Variants in KCND3 observed in about 807,000 individuals in gnomAD.
KCND3 encodes A-type voltage-gated potassium channel KCND3.
A neutral mutation model predicts 51.1 loss-of-function variants in KCND3; 9 were observed. That is an observed-to-expected ratio of 0.18 (90% confidence interval 0.11 to 0.31). The LOEUF (loss-of-function observed/expected upper bound fraction) is 0.31. Ranked by LOEUF, KCND3 falls within the 10% of genes least tolerant of loss-of-function variation. KCND3 has a pLI of 1.00. For synonymous variants in KCND3, 349 were observed against 368.0 expected, an observed-to-expected ratio of 0.95 and a Z score of 0.59; for missense variants, 526 against 903.8, an observed-to-expected ratio of 0.58 and a Z score of 5.36.
chr1:111,813,825 T>G (rs1306923094), intron 2 of KCND3, among the ~76,000 whole-genome samples: 1 of 152,202 alleles, frequency 6.6e-6, no homozygotes, highest in East Asian at 1.9e-4. Flanking sequence ...ATTATATAGA[T>G]GAGGAAACTG....
chr1:111,847,582 T>C (rs1667613740), intron 2 of KCND3, among the ~76,000 whole-genome samples: 1 of 152,178 alleles, frequency 6.6e-6, no homozygotes, highest in Admixed American at 6.5e-5. Flanking sequence ...GTGATCTACG[T>C]GGGGCTGGGT....
rs1329605301 is a variant in KCND3 at position 111,780,631 on chromosome 1, G to A, written c.1371+59C>T. ...GTGAGAGTGCTGGTGTCCCGGGAAA[G>A]AGAAAACAAGCCCATCTACCCCTTT... On this transcript the variant is annotated intron_variant, in intron 4 of 7. Coordinates refer to ENST00000302127, the MANE Select transcript of KCND3 (RefSeq NM_001378969.1). The surrounding 1 kb of genome is among the most constrained non-coding windows in gnomAD (Gnocchi z 4.2). The A allele has an allele frequency of 7.1e-7, 1 of 1,405,366 alleles. No individual in the cohort carries two copies. The highest frequency in any genetic ancestry group is 2.4e-5 in the East Asian group (1 of 41,442). 87.1% of individuals were successfully genotyped at this position (1,405,366 alleles called of 1,614,324 possible). A position where few individuals can be genotyped will look rare whatever the true frequency, so the allele number is the denominator to read the frequency against.
chr1:111,874,838 G>A (rs1668982384), intron 2 of KCND3, among the ~76,000 whole-genome samples: 1 of 152,088 alleles, frequency 6.6e-6, no homozygotes, highest in Non-Finnish European at 1.5e-5. Flanking sequence ...TAGACCCCAG[G>A]GCCTTTCCTT....
chr1:111,954,576 T>C (rs373843127), intron 2 of KCND3, among the ~76,000 whole-genome samples: 1 of 152,186 alleles, frequency 6.6e-6, no homozygotes, highest in South Asian at 2.1e-4. Flanking sequence ...TACCAAAGAG[T>C]TGTGCTTGTT....
chr1:111,963,739 A>G (rs1227788657), intron 2 of KCND3, among the ~76,000 whole-genome samples: 3 of 152,188 alleles, frequency 2.0e-5, no homozygotes, highest in Non-Finnish European at 2.9e-5. Context: ...CTCAGGAGAG[A>G]CTTCCTGACA....
intron 2 of KCND3, among the ~76,000 whole-genome samples, chr1:111,964,333 G>A (rs753653973): frequency 1.3e-5 from 2 of 152,218 alleles, no homozygotes; most frequent in African/African-American, 4.8e-5. Context: ...AGCCCGGGAT[G>A]CTAAAGTACA....
intron 2 of KCND3, among the ~76,000 whole-genome samples, chr1:111,844,244 T>TC (rs969205875): frequency 3.1e-4 from 47 of 152,298 alleles, no homozygotes; most frequent in African/African-American, 1.1e-3. Flanking sequence ...GTTCATCATG[T>TC]CCCTGCAGAC....
At chr1:111,895,114 A>G (rs796238062) in intron 2 of KCND3, among the ~76,000 whole-genome samples, 1 of 136,518 alleles carries the variant, frequency 7.3e-6, no homozygotes, top group South Asian at 2.6e-4. Context: ...AGGGGAAGGA[A>G]GAGGAAGGGG....
chr1:111,850,554 G>C (rs1667766918), intron 2 of KCND3, among the ~76,000 whole-genome samples: 1 of 152,210 alleles, frequency 6.6e-6, no homozygotes, highest in Non-Finnish European at 1.5e-5. Context: ...AACATGTACA[G>C]ACCCTGGGTC....
At position 111,818,288 on chromosome 1, in the gene KCND3, G is replaced by C. The variant is rs368388536; in HGVS notation, c.1107-31182C>G. Among the ~76,000 whole-genome samples, 29 of 152,322 alleles carry C rather than the reference G, an allele frequency of 1.9e-4. 1 individual carries two copies. In the East Asian group the frequency reaches 3.7e-3, roughly 19 times the overall value. On this transcript the variant is annotated intron_variant, in intron 2 of 7. Coordinates refer to ENST00000302127, the MANE Select transcript of KCND3 (RefSeq NM_001378969.1). ...GGATCTGCCTGCGCCAGGGCCCGAG[G>C]CTTCCACCCCAGCAGGAGTTCTTGA...
At chr1:111,816,968 G>A (rs796817606) in intron 2 of KCND3, among the ~76,000 whole-genome samples, 1 of 152,116 alleles carries the variant, frequency 6.6e-6, no homozygotes, top group South Asian at 2.1e-4. Flanking sequence ...TACACACCTG[G>A]ATGTGCACAT....
At chr1:111,873,133 G>A (rs541388313) in intron 2 of KCND3, among the ~76,000 whole-genome samples, 3 of 152,326 alleles carry the variant, frequency 2.0e-5, no homozygotes, top group Non-Finnish European at 4.4e-5. Flanking sequence ...TGCTGATCCA[G>A]TCCTGGCCTG....
intron 2 of KCND3, among the ~76,000 whole-genome samples, chr1:111,832,176 C>T (rs532292285): frequency 3.2e-4 from 48 of 152,354 alleles, no homozygotes; most frequent in Non-Finnish European, 4.4e-4. Context: ...ATTGGGTCTA[C>T]ACCTTCCCAG....
At chr1:111,943,519 G>A (rs1420656400) in intron 2 of KCND3, among the ~76,000 whole-genome samples, 1 of 152,216 alleles carries the variant, frequency 6.6e-6, no homozygotes, top group Admixed American at 6.5e-5. Context: ...ACACAGTAAG[G>A]CAGAAGCAGA....
chr1:111,805,922 G>C (rs1474645649), intron 2 of KCND3, among the ~76,000 whole-genome samples: 1 of 152,242 alleles, frequency 6.6e-6, no homozygotes, highest in African/African-American at 2.4e-5. Context: ...TGGCAGGACG[G>C]GGACAGGAGG....
At chr1:111,966,074 C>A (rs149402195) in intron 2 of KCND3, among the ~76,000 whole-genome samples, 62 of 152,286 alleles carry the variant, frequency 4.1e-4, no homozygotes, top group Non-Finnish European at 4.4e-4. Context: ...CCTTCCTTGG[C>A]ACCACCCTGC....
intron 2 of KCND3, among the ~76,000 whole-genome samples, chr1:111,868,458 A>T (rs879709816): frequency 2.6e-5 from 4 of 152,182 alleles, no homozygotes; most frequent in Non-Finnish European, 4.4e-5. Context: ...TATCATAGGT[A>T]TGTATGCATA....
intron 2 of KCND3, among the ~76,000 whole-genome samples, chr1:111,948,861 AAGG>A (rs1470519848): frequency 2.0e-5 from 3 of 151,994 alleles, no homozygotes. Flanking sequence ...AAGGTGAGAG[AAGG>A]AGGAGCAGCA....
intron 2 of KCND3, among the ~76,000 whole-genome samples, chr1:111,905,917 CT>C (rs1440860110): frequency 1.7e-4 from 26 of 152,230 alleles, no homozygotes; most frequent in African/African-American, 5.3e-4. Flanking sequence ...GCATTGGCCC[CT>C]GTATTTTACA....
Sources: allele counts gnomAD v4.1 joint callset (sites outside exome capture counted in the v4.1 genomes callset), GRCh38; gene constraint gnomAD v4.1.1; non-coding constraint Gnocchi (gnomAD v3.1); transcripts MANE v1.5; gene names NCBI Gene and HGNC (gene_info 2026-07-23, HGNC 2026-07-21).